The following DAB2IP variants were observed in gnomAD, a reference collection of about 807,000 sequenced individuals.
DAB2IP encodes disabled homolog 2-interacting protein.
A neutral mutation model predicts 107.2 loss-of-function variants in DAB2IP; 28 were observed. The observed-to-expected ratio is 0.26, with a 90% CI of 0.19 to 0.36. DAB2IP has a LOEUF of 0.36. Among genes scored for constraint, DAB2IP ranks in the 10% least tolerant of loss-of-function variants. The pLI is 1.00. For synonymous variants in DAB2IP, 755 were observed against 706.4 expected (o/e 1.07, Z -1.09); for missense variants, 1,400 against 1,644.7 (o/e 0.85, Z 2.57).
At position 121,742,811 on chromosome 9, in the gene DAB2IP, G is replaced by A. The variant is rs560833800; in HGVS notation, c.363-14202G>A. 1.6e-5 allele frequency: 16 copies of A among 985,478 alleles called. No individual in the cohort carries two copies. In the South Asian group the frequency reaches 7.0e-4, roughly 43 times the overall value. The allele number at this position is 985,478 out of a possible 1,614,324, so 61.0% of individuals were successfully genotyped here. On this transcript the variant is annotated intron_variant, in intron 3 of 15. Transcript: ENST00000408936. The stretch of plus-strand genomic sequence containing the variant: ...GTTCCTCTTCTTTCGTGTTGTGTCA[G>A]AAGCCATGATTTCCAGTCTTCTCAT...
chr9:121,763,260 C>G (rs1834026023), intron 6 of DAB2IP, among the ~76,000 whole-genome samples: 4 of 152,168 alleles, frequency 2.6e-5, no homozygotes, highest in Non-Finnish European at 5.9e-5. Context: ...TTCAGGCTGC[C>G]TCCATCCATA....
intron 1 of DAB2IP, among the ~76,000 whole-genome samples, chr9:121,612,444 G>T (rs758655898): frequency 1.1e-4 from 17 of 152,338 alleles, no homozygotes; most frequent in Non-Finnish European, 1.0e-4. Flanking sequence ...TTGATGAATA[G>T]AGAAAGGGGA....
intron 3 of DAB2IP, among the ~76,000 whole-genome samples, chr9:121,739,755 G>A: frequency 6.6e-6 from 1 of 152,234 alleles, no homozygotes; most frequent in East Asian, 1.9e-4. Flanking sequence ...GAGCTCAGAG[G>A]AGGATAGGGC....
chr9:121,621,984 C>CTTTCTTTCTT (rs1429341252), intron 1 of DAB2IP, among the ~76,000 whole-genome samples: 4 of 99,696 alleles, frequency 4.0e-5, no homozygotes, highest in African/African-American at 1.7e-4. Context: ...TTTTTTCTTT[C>CTTTCTTTCTT]TTTTTTTTTT....
At chr9:121,587,389 C>T (rs1216859474) in intron 1 of DAB2IP, among the ~76,000 whole-genome samples, 2 of 152,160 alleles carry the variant, frequency 1.3e-5, no homozygotes, top group South Asian at 2.1e-4. Context: ...GGGCAGATTG[C>T]TTGAGCCCAG....
chr9:121,771,896 C>G (rs1388660546), intron 11 of DAB2IP, among the ~76,000 whole-genome samples: 1 of 151,976 alleles, frequency 6.6e-6, no homozygotes, highest in Non-Finnish European at 1.5e-5. Flanking sequence ...TTCTTCTCTC[C>G]AAAGCCCCCC....
intron 3 of DAB2IP, among the ~76,000 whole-genome samples, chr9:121,716,524 C>T (rs1301115611): frequency 6.6e-6 from 1 of 152,228 alleles, no homozygotes; most frequent in Non-Finnish European, 1.5e-5. Context: ...TGCTCAGGTT[C>T]CATTTCCAAA....
chr9:121,739,785 C>T (rs750872034), intron 3 of DAB2IP, among the ~76,000 whole-genome samples: 6 of 152,012 alleles, frequency 3.9e-5, no homozygotes, highest in South Asian at 2.1e-4. Context: ...ACTTAGGAGT[C>T]GTGAGCATGC....
intron 1 of DAB2IP, among the ~76,000 whole-genome samples, chr9:121,584,628 C>T (rs1034900088): frequency 3.9e-5 from 6 of 152,016 alleles, no homozygotes; most frequent in East Asian, 1.9e-4. Flanking sequence ...AAACATATGA[C>T]GGAATGATCA....
intron 1 of DAB2IP, among the ~76,000 whole-genome samples, chr9:121,620,659 C>A (rs1467340001): frequency 6.6e-6 from 1 of 152,150 alleles, no homozygotes; most frequent in African/African-American, 2.4e-5. Context: ...GGGGGTCCTG[C>A]CCCTCCAGCT....
rs1414762318 is a variant in DAB2IP at position 121,760,065 on chromosome 9, C to T, written c.796C>T (p.Pro266Ser). 4 of 1,613,974 alleles carry T rather than the reference C, an allele frequency of 2.5e-6. No individual in the cohort carries two copies. The African/African-American group carries it at 4.0e-5, about 16-fold the overall frequency. ...CGAGCACTTCGAGTTCCACAACTTGCCGCCTCTGCGCACGGTCACTGTCCA... is the reference window on the plus strand; with the variant it reads ...CGAGCACTTCGAGTTCCACAACTTGTCGCCTCTGCGCACGGTCACTGTCCA... Residue 266 changes from proline to serine, a missense_variant, in exon 6 of 16, where the codon CCG becomes TCG. Pro to Ser is a moderately conservative substitution (Grantham distance 74). This residue lies in a region of DAB2IP where 517 missense variants were observed against 748.6 expected (regional missense o/e 0.69). Transcript: ENST00000408936. The surrounding 1 kb of genome is among the most constrained non-coding windows in gnomAD (Gnocchi z 5.9).
intron 3 of DAB2IP, among the ~76,000 whole-genome samples, chr9:121,749,807 G>T (rs761012400): frequency 1.3e-5 from 2 of 152,234 alleles, no homozygotes; most frequent in African/African-American, 2.4e-5. Flanking sequence ...GAGGCATGGA[G>T]AACGTAAAGC....
intron 3 of DAB2IP, chr9:121,742,952 TTCA>T: frequency 2.0e-6 from 2 of 985,482 alleles, no homozygotes; most frequent in Non-Finnish European, 2.4e-6. Flanking sequence ...CCCTTCTTTC[TTCA>T]TCATGAAGAA....
At chr9:121,725,021 G>A (rs557235465) in intron 3 of DAB2IP, among the ~76,000 whole-genome samples, 4 of 152,296 alleles carry the variant, frequency 2.6e-5, no homozygotes, top group South Asian at 4.1e-4. Flanking sequence ...GAGCACCCCC[G>A]GCACCAGCCA....
chr9:121,629,730 G>A (rs906928171), intron 1 of DAB2IP, among the ~76,000 whole-genome samples: 1 of 152,210 alleles, frequency 6.6e-6, no homozygotes, highest in Non-Finnish European at 1.5e-5. Context: ...CAACCAGGCT[G>A]TGGGCACAGG....
rs1414465221 is a variant in DAB2IP at position 121,634,318 on chromosome 9, C to G, written c.41-44360C>G. On this transcript the variant is annotated intron_variant, in intron 1 of 16. Transcript: ENST00000259371. This position sits in a 1 kb window ranked among gnomAD's most constrained non-coding sequence, Gnocchi z 4.7. ...GAGATGGAGGAGGCAGAGGCCCCGG[C>G]CGGCCACACTTGACCCCGCCTTTAC... is the stretch of plus-strand genomic sequence containing the variant. 1.3e-5 allele frequency among the ~76,000 whole-genome samples: 2 copies of G among 152,202 alleles called. No individual in the cohort carries two copies. Among genetic ancestry groups the G allele is most frequent in the African/African-American group, 4.8e-5 (2 of 41,442 alleles).
chr9:121,724,813 TA>T (rs1180418216), intron 3 of DAB2IP, among the ~76,000 whole-genome samples: 1 of 151,634 alleles, frequency 6.6e-6, no homozygotes. Flanking sequence ...TCTCAGCCAG[TA>T]GACACTCCCA....
intron 1 of DAB2IP, among the ~76,000 whole-genome samples, chr9:121,630,422 G>A (rs1831832327): frequency 6.6e-6 from 1 of 151,894 alleles, no homozygotes; most frequent in South Asian, 2.1e-4. Context: ...CTACTTGGGA[G>A]GCTGAGGCAG....
chr9:121,632,371 G>A (rs1831926461), intron 1 of DAB2IP, among the ~76,000 whole-genome samples: 1 of 152,164 alleles, frequency 6.6e-6, no homozygotes, highest in Non-Finnish European at 1.5e-5. Context: ...ATGGGTCCTG[G>A]TGACCCAGTG....
Sources: allele counts gnomAD v4.1 joint callset (sites outside exome capture counted in the v4.1 genomes callset), GRCh38; gene constraint gnomAD v4.1.1; regional missense constraint gnomAD v4.1.1; non-coding constraint Gnocchi (gnomAD v3.1); transcripts MANE v1.5; gene names NCBI Gene and HGNC (gene_info 2026-07-23, HGNC 2026-07-21).